SYN3: variants seen among roughly 807,000 people sequenced by gnomAD.
The protein encoded by SYN3 is synapsin III.
A neutral mutation model predicts 65.8 loss-of-function variants in SYN3; 35 were observed. That is an observed-to-expected ratio of 0.53 (90% CI 0.41 to 0.70). The LOEUF is 0.70. Among genes scored for constraint, SYN3 ranks in the 30% least tolerant of loss-of-function variants. SYN3 has a pLI of 0.00. For synonymous variants in SYN3, 270 were observed against 292.9 expected, an observed-to-expected ratio of 0.92 and a Z score of 0.80; for missense variants, 680 against 749.0, an observed-to-expected ratio of 0.91 and a Z score of 1.08.
chr22:32,727,752 GT>G (rs1195912686), intron 6 of SYN3, among the ~76,000 whole-genome samples: 3 of 152,130 alleles, frequency 2.0e-5, no homozygotes, highest in Non-Finnish European at 2.9e-5. Context: ...GAGCTTTTTT[GT>G]GTTTGTTGGC....
chr22:32,717,009 C>T (rs2061048316), intron 6 of SYN3, among the ~76,000 whole-genome samples: 1 of 152,168 alleles, frequency 6.6e-6, no homozygotes, highest in Admixed American at 6.5e-5. Flanking sequence ...TACTAACTCC[C>T]CATTCACCTC....
At chr22:32,822,062 G>A (rs2047262102) in intron 6 of SYN3, among the ~76,000 whole-genome samples, 1 of 151,746 alleles carries the variant, frequency 6.6e-6, no homozygotes, top group African/African-American at 2.4e-5. Flanking sequence ...GGCTGAGGCA[G>A]GAGAATTGCT....
intron 1 of SYN3, among the ~76,000 whole-genome samples, chr22:33,039,954 G>A (rs1304382697): frequency 6.6e-6 from 1 of 151,652 alleles, no homozygotes; most frequent in Non-Finnish European, 1.5e-5. Context: ...AGATATTTGT[G>A]AAACAAAAAA....
At chr22:32,843,982 C>T (rs2047988633) in intron 6 of SYN3, among the ~76,000 whole-genome samples, 2 of 152,082 alleles carry the variant, frequency 1.3e-5, no homozygotes, top group Admixed American at 1.3e-4. Context: ...TAGCATGAAT[C>T]AACTCCTAAG....
chr22:32,897,863 A>G (rs943700926), intron 4 of SYN3, among the ~76,000 whole-genome samples: 9 of 152,320 alleles, frequency 5.9e-5, no homozygotes, highest in Middle Eastern at 3.4e-3. Flanking sequence ...TGTGTTACCC[A>G]GGCTGGAGTG....
intron 7 of SYN3, among the ~76,000 whole-genome samples, chr22:32,548,802 A>G (rs567167282): frequency 1.2e-4 from 18 of 152,222 alleles, no homozygotes; most frequent in South Asian, 4.1e-4. Context: ...CATCCATCCT[A>G]AAGATATAAT....
At chr22:33,006,871 C>A in intron 1 of SYN3, 47 bp from the exon 2 acceptor site, 2 of 483,928 alleles carry the variant, frequency 4.1e-6, no homozygotes, top group Non-Finnish European at 7.3e-6. Flanking sequence ...CCTCCACCCC[C>A]TTAAGAGCAA....
At chr22:32,800,861 G>C (rs1019546792) in intron 6 of SYN3, among the ~76,000 whole-genome samples, 1 of 152,162 alleles carries the variant, frequency 6.6e-6, no homozygotes, top group African/African-American at 2.4e-5. Context: ...CCACTTCTCA[G>C]CGAGGATGGC....
chr22:32,876,947 AGATAGAT>A (rs1270525122), intron 4 of SYN3, among the ~76,000 whole-genome samples: 4 of 152,272 alleles, frequency 2.6e-5, no homozygotes, highest in African/African-American at 9.6e-5. Flanking sequence ...ATAAATAAGT[AGATAGAT>A]GATAGATAAA....
At chr22:32,552,086 A>G (rs1569030312) in intron 7 of SYN3, among the ~76,000 whole-genome samples, 1 of 152,154 alleles carries the variant, frequency 6.6e-6, no homozygotes. Context: ...TGCCTCTACT[A>G]AAGACAAAAA....
rs1293167458 is a variant in SYN3, at chr22:32,511,721, C to G, written c.*1971G>C. ...TAGCCAGTGTTAATCAGGCCTGAGC[C>G]TACCAGTCTCCAGCTGCCAAATTAT... On this transcript the variant is annotated 3_prime_UTR_variant, in exon 14 of 14. Transcript: ENST00000358763. Among the ~76,000 whole-genome samples, 1 of 152,216 alleles carries G rather than the reference C, an allele frequency of 6.6e-6. No homozygotes were observed. Among genetic ancestry groups the G allele is most frequent in the Non-Finnish European group, 1.5e-5 (1 of 68,042 alleles).
intron 6 of SYN3, among the ~76,000 whole-genome samples, chr22:32,841,860 T>A (rs1401201535): frequency 6.6e-6 from 1 of 151,472 alleles, no homozygotes; most frequent in Non-Finnish European, 1.5e-5. Context: ...ACAATTTGTT[T>A]AAAAAAAAAG....
intron 6 of SYN3, among the ~76,000 whole-genome samples, chr22:32,819,772 A>G (rs1193793683): frequency 1.3e-5 from 2 of 152,136 alleles, no homozygotes; most frequent in Non-Finnish European, 2.9e-5. Flanking sequence ...GAAACAGCAA[A>G]CTTGCTGGGT....
chr22:32,664,461 T>C (rs2060260395), intron 6 of SYN3, among the ~76,000 whole-genome samples: 1 of 152,088 alleles, frequency 6.6e-6, no homozygotes, highest in Admixed American at 6.5e-5. Context: ...TTATTATTTT[T>C]TATTTCCATA....
intron 5 of SYN3, among the ~76,000 whole-genome samples, chr22:32,865,236 A>C (rs967197757): frequency 2.0e-5 from 3 of 152,192 alleles, no homozygotes; most frequent in Non-Finnish European, 2.9e-5. Context: ...AGTAGGCAGA[A>C]CACTGGGTTC....
intron 4 of SYN3, among the ~76,000 whole-genome samples, chr22:32,886,574 A>G (rs1418496016): frequency 1.3e-5 from 2 of 152,234 alleles, no homozygotes; most frequent in African/African-American, 4.8e-5. Context: ...ACCCATTTGA[A>G]ACGTAGTTTG....
At chr22:33,043,106 T>G (rs1204217450) in intron 1 of SYN3, among the ~76,000 whole-genome samples, 2 of 152,236 alleles carry the variant, frequency 1.3e-5, no homozygotes, top group Non-Finnish European at 2.9e-5. Flanking sequence ...GAAATAGTCC[T>G]TACTGGGACT....
intron 6 of SYN3, among the ~76,000 whole-genome samples, chr22:32,754,120 T>A (rs1466259840): frequency 1.3e-5 from 2 of 152,058 alleles, no homozygotes. Context: ...CCTCATCTCT[T>A]CTCCAGCTGA....
rs112315856 is a variant in SYN3, at chr22:32,737,499, T to A, written c.711+127416A>T. On this transcript the variant is annotated intron_variant, in intron 6 of 13. Transcript: ENST00000358763. ...CCCCACAACAGGCCCCGGTGGGTGA[T>A]GTTCCCCTTCCTGTGTCCATGTGTT... is the stretch of plus-strand genomic sequence containing the variant. Among the ~76,000 whole-genome samples the A allele has an allele frequency of 3.1e-3, 477 of 151,954 alleles. 4 individuals carry two copies. The highest frequency in any genetic ancestry group is 0.011 in the African/African-American group (466 of 41,406).
Sources: gnomAD v4.1 joint callset for allele counts (sites outside exome capture counted in the v4.1 genomes callset) on GRCh38, gnomAD v4.1.1 for gene constraint, MANE v1.5 for transcripts, NCBI Gene and HGNC (gene_info 2026-07-23, HGNC 2026-07-21) for gene names.